The following DLGAP4 variants were observed in gnomAD, a reference collection of about 807,000 sequenced individuals.
DLGAP4 encodes DLG associated protein 4.
Under a neutral mutation model 86.9 loss-of-function variants are expected in DLGAP4, and 18 were observed. That is an observed-to-expected ratio of 0.21 (90% confidence interval 0.14 to 0.31). DLGAP4 has a LOEUF of 0.31. DLGAP4 is among the 10% of genes least tolerant of loss of function. The pLI is 1.00. For missense variants in DLGAP4, 1,085 were observed against 1,362.6 expected (o/e 0.80, Z 3.21); for synonymous variants, 548 against 574.3 (o/e 0.95, Z 0.65).
intron 7 of DLGAP4, among the ~76,000 whole-genome samples, chr20:36,489,857 T>G (rs2035584120): frequency 8.1e-6 from 1 of 123,218 alleles, no homozygotes; most frequent in Non-Finnish European, 1.6e-5. Context: ...TAATTCTTCT[T>G]TTTTTTTTTT....
At chr20:36,423,383 G>A (rs868790793) in intron 2 of DLGAP4, among the ~76,000 whole-genome samples, 1 of 150,232 alleles carries the variant, frequency 6.7e-6, no homozygotes, top group African/African-American at 2.5e-5. Flanking sequence ...TTGAACTCGG[G>A]GGGCAGAGGT....
intron 1 of DLGAP4, among the ~76,000 whole-genome samples, chr20:36,341,476 C>A (rs1555892491): frequency 6.6e-6 from 1 of 152,240 alleles, no homozygotes; most frequent in East Asian, 1.9e-4. Context: ...CACTGATATG[C>A]ACCGTGTGCC....
At chr20:36,319,892 C>T (rs1265141180) in intron 1 of DLGAP4, among the ~76,000 whole-genome samples, 2 of 152,100 alleles carry the variant, frequency 1.3e-5, no homozygotes, top group Non-Finnish European at 2.9e-5. Context: ...GTGCCTCTGT[C>T]ACAGCAAGGT....
intron 2 of DLGAP4, among the ~76,000 whole-genome samples, chr20:36,413,715 G>T (rs139287877): frequency 1.3e-5 from 2 of 152,018 alleles, no homozygotes; most frequent in South Asian, 4.2e-4. Flanking sequence ...CACCGCGCCC[G>T]GCCTATTCTG....
chr20:36,406,312 G>T (rs1478844492), intron 2 of DLGAP4, among the ~76,000 whole-genome samples: 2 of 151,754 alleles, frequency 1.3e-5, no homozygotes, highest in Non-Finnish European at 2.9e-5. Context: ...GCAGGAGAAT[G>T]GCGTGAACCT....
chr20:36,484,842 G>A (rs529514403), intron 7 of DLGAP4, among the ~76,000 whole-genome samples: 1 of 152,378 alleles, frequency 6.6e-6, no homozygotes, highest in African/African-American at 2.4e-5. Context: ...GCCGCTGCAC[G>A]TGCACCTGCA....
intron 7 of DLGAP4, among the ~76,000 whole-genome samples, chr20:36,480,562 T>C (rs2035141913): frequency 6.6e-6 from 1 of 151,576 alleles, no homozygotes; most frequent in Non-Finnish European, 1.5e-5. Flanking sequence ...ATTAAAAAAA[T>C]TAGTCAGGAG....
intron 10 of DLGAP4, among the ~76,000 whole-genome samples, chr20:36,503,909 C>T (rs929796063): frequency 6.6e-6 from 1 of 152,170 alleles, no homozygotes; most frequent in Non-Finnish European, 1.5e-5. Context: ...TTTCATTTCA[C>T]ACTACATTTT....
intron 10 of DLGAP4, among the ~76,000 whole-genome samples, chr20:36,512,431 T>C (rs554513087): frequency 1.2e-4 from 19 of 152,250 alleles, no homozygotes; most frequent in South Asian, 6.2e-4. Flanking sequence ...TAGGTCCATA[T>C]CTCTACCTTG....
At chr20:36,475,157 C>T (rs78374570) in intron 7 of DLGAP4, among the ~76,000 whole-genome samples, 2,582 of 151,290 alleles carry the variant, frequency 0.017, 27 homozygotes, top group Middle Eastern at 0.031. Flanking sequence ...CTGGGGGTCT[C>T]GGTGAACCTA....
At chr20:36,374,101 C>G (rs963896206) in intron 2 of DLGAP4, among the ~76,000 whole-genome samples, 1 of 151,408 alleles carries the variant, frequency 6.6e-6, no homozygotes, top group African/African-American at 2.4e-5. Flanking sequence ...CAGAAGCTCA[C>G]TGAGGCAGCC....
At position 36,397,537 on chromosome 20, in the gene DLGAP4, A is replaced by G. The variant is rs184501238; in HGVS notation, c.-73+30262A>G. Among the ~76,000 whole-genome samples the G allele has an allele frequency of 2.5e-3, 386 of 152,110 alleles. 1 individual carries two copies. Among genetic ancestry groups the G allele is most frequent in the Non-Finnish European group, 4.0e-3 (271 of 68,000 alleles). On this transcript the variant is annotated intron_variant, in intron 2 of 12. Transcript: ENST00000339266. ...TCTTTTCTAACTTTTGGAGTTGTTT[A>G]TCATATTGCTTTTCAGTTTGTTTTT...
At chr20:36,398,732 C>T (rs2147479200) in intron 2 of DLGAP4, among the ~76,000 whole-genome samples, 1 of 152,316 alleles carries the variant, frequency 6.6e-6, no homozygotes, top group Middle Eastern at 3.4e-3. Flanking sequence ...GTAACCTGCC[C>T]AAGGTCACAC....
At chr20:36,499,554 C>T in intron 8 of DLGAP4, 34 bp from the exon 9 acceptor site, 4 of 1,601,984 alleles carry the variant, frequency 2.5e-6, no homozygotes, top group Non-Finnish European at 3.4e-6. Flanking sequence ...TTGTCTTTGT[C>T]TCCGTGCCGT....
chr20:36,328,001 C>T (rs932946822), intron 1 of DLGAP4, among the ~76,000 whole-genome samples: 1 of 151,348 alleles, frequency 6.6e-6, no homozygotes, highest in African/African-American at 2.4e-5. Flanking sequence ...AGGTTCGAGA[C>T]CAGCCTGGCC....
intron 2 of DLGAP4, among the ~76,000 whole-genome samples, chr20:36,392,277 AG>A (rs2031809886): frequency 6.6e-6 from 1 of 152,218 alleles, no homozygotes; most frequent in Admixed American, 6.5e-5. Flanking sequence ...GTTGAGTCTC[AG>A]ATGTCTGGCC....
intron 10 of DLGAP4, among the ~76,000 whole-genome samples, chr20:36,501,041 G>A (rs1378375738): frequency 1.3e-5 from 2 of 151,802 alleles, no homozygotes; most frequent in Non-Finnish European, 2.9e-5. Flanking sequence ...AGAAAAGTGG[G>A]AGCCTAATTA....
chr20:36,317,624 A>T (rs1352599115), intron 1 of DLGAP4, among the ~76,000 whole-genome samples: 1 of 5,480 alleles, frequency 1.8e-4, no homozygotes, highest in Non-Finnish European at 0.017. Context: ...CAGCTAATTA[A>T]AAAAAAAAAA....
intron 1 of DLGAP4, among the ~76,000 whole-genome samples, chr20:36,307,238 C>G (rs797024776): frequency 1.3e-5 from 2 of 152,306 alleles, no homozygotes; most frequent in Admixed American, 6.5e-5. Flanking sequence ...TGCGGCGCCC[C>G]GCGGAGACAG....
Sources: allele counts gnomAD v4.1 joint callset (sites outside exome capture counted in the v4.1 genomes callset), GRCh38; gene constraint gnomAD v4.1.1; transcripts MANE v1.5; gene names NCBI Gene and HGNC (gene_info 2026-07-23, HGNC 2026-07-21).